The following POLR1A variants were observed in gnomAD, a reference collection of about 807,000 sequenced individuals.
POLR1A encodes DNA-directed RNA polymerase I subunit RPA1.
In POLR1A, 84 loss-of-function variants were observed where a neutral mutation model predicts 205.3. The ratio of observed to expected loss-of-function variants is 0.41; its 90% CI spans 0.34 to 0.49. The LOEUF (loss-of-function observed/expected upper bound fraction) is 0.49, where lower values mean the gene tolerates loss of function less well. POLR1A is among the 20% of genes least tolerant of loss of function. The pLI, the probability that POLR1A is intolerant of heterozygous loss-of-function variation, is 0.22. For missense variants in POLR1A, 1,645 were observed against 2,204.5 expected (o/e 0.75, Z 5.08); for synonymous variants, 799 against 863.7 (o/e 0.93, Z 1.31).
At chr2:86,053,354 A>G (rs1264284314) in intron 15 of POLR1A, among the ~76,000 whole-genome samples, 2 of 152,022 alleles carry the variant, frequency 1.3e-5, no homozygotes. Context: ...TATCCTTGAC[A>G]AAGACCTGTG....
chr2:86,105,782 A>G lies in POLR1A; in HGVS notation c.-6T>C, dbSNP rs748915549. 19 of 1,613,452 alleles carry G rather than the reference A, an allele frequency of 1.2e-5. No individual in the cohort carries two copies. The East Asian group carries it at 4.2e-4, about 36-fold the overall frequency. On this transcript the variant is annotated 5_prime_UTR_variant, in exon 1 of 34. Transcript: ENST00000263857. ...ATGTTCTTGGAGATCAACATCCTCCAGGTCCGTTTTGAATTCCGACACCCC... is the reference window on the plus strand; with the variant it reads ...ATGTTCTTGGAGATCAACATCCTCCGGGTCCGTTTTGAATTCCGACACCCC...
At chr2:86,073,758 T>G (rs927153069) in intron 12 of POLR1A, among the ~76,000 whole-genome samples, 2 of 152,218 alleles carry the variant, frequency 1.3e-5, no homozygotes, top group Non-Finnish European at 2.9e-5. Flanking sequence ...GACTGCAAAG[T>G]GCTAGCATGC....
chr2:86,042,115 G>A lies in POLR1A; in HGVS notation c.3358-12C>T, dbSNP rs774847601. The A allele has an allele frequency of 6.3e-7, 1 of 1,596,460 alleles. No individual in the cohort carries two copies. The highest frequency in any genetic ancestry group is 1.7e-5 in the Admixed American group (1 of 60,002). On this transcript the variant is annotated splice_polypyrimidine_tract_variant and intron_variant, in intron 23 of 33. Transcript: ENST00000263857. ...CACATCCTCAGCATCTGAACAGAAG[G>A]ATGGGTCTCAGCTATGTGGGAGGGA...
chr2:86,066,530 T>C lies in POLR1A; in HGVS notation c.1867-1065A>G, dbSNP rs144559509. Among the ~76,000 whole-genome samples the C allele has an allele frequency of 7.2e-3, 1,093 of 152,318 alleles. 15 individuals are homozygous for C. Among genetic ancestry groups the C allele is most frequent in the African/African-American group, 0.024 (1,011 of 41,560 alleles). Reference sequence around the variant, plus strand: ...CTTTAAGATGTAGATTTTGTAAACTTTTCAATGTTTATAGGAATTTGAGAA... The same window carrying C: ...CTTTAAGATGTAGATTTTGTAAACTCTTCAATGTTTATAGGAATTTGAGAA... On this transcript the variant is annotated intron_variant, in intron 13 of 33. Transcript: ENST00000263857.
chr2:86,079,854 GC>G (rs1573827430), intron 9 of POLR1A, among the ~76,000 whole-genome samples: 1 of 152,164 alleles, frequency 6.6e-6, no homozygotes, highest in East Asian at 1.9e-4. Context: ...GAGCTATCAT[GC>G]CTGGCCAGGC....
intron 3 of POLR1A, among the ~76,000 whole-genome samples, chr2:86,094,499 C>A (rs1043477667): frequency 1.3e-5 from 2 of 152,156 alleles, no homozygotes; most frequent in Non-Finnish European, 2.9e-5. Flanking sequence ...TCTGTCCCAG[C>A]TCTAGATCAG....
chr2:86,042,181 A>G (rs541466416), intron 23 of POLR1A, 78 bp from the exon 24 acceptor site: 2 of 1,017,664 alleles, frequency 2.0e-6, no homozygotes, highest in East Asian at 2.4e-5. Context: ...TTGGCTTCCA[A>G]TGAGAATAAA....
At chr2:86,076,248 G>T (rs915630575) in intron 11 of POLR1A, among the ~76,000 whole-genome samples, 12 of 152,198 alleles carry the variant, frequency 7.9e-5, no homozygotes, top group African/African-American at 2.9e-4. Context: ...AAAGGAACTT[G>T]TCTAGCTTTG....
Position 86,028,509 on chromosome 2 carries a change from G to T in POLR1A, c.4897+85C>A. 2.1e-6 allele frequency: 2 copies of T among 944,654 alleles called. No homozygotes were observed. The highest frequency in any genetic ancestry group is 3.5e-6 in the Non-Finnish European group (2 of 572,832). 58.5% of individuals were successfully genotyped at this position (944,654 alleles called of 1,614,324 possible). A position where few individuals can be genotyped will look rare whatever the true frequency, so the allele number is the denominator to read the frequency against. ...TGCTGGACTGACTCGGTGCTGGACC[G>T]ACACGGTCCTGACCCTCCTGCCGAG... On this transcript the variant is annotated intron_variant, in intron 32 of 33. Coordinates refer to ENST00000263857, the MANE Select transcript of POLR1A (RefSeq NM_015425.6). This position sits in a 1 kb window ranked among gnomAD's most constrained non-coding sequence, Gnocchi z 4.5.
chr2:86,076,409 C>T (rs1466750303), intron 11 of POLR1A, among the ~76,000 whole-genome samples: 1 of 152,252 alleles, frequency 6.6e-6, no homozygotes, highest in Non-Finnish European at 1.5e-5. Flanking sequence ...TATCTATTTA[C>T]TGTCTGTCTC....
chr2:86,097,743 A>G (rs1673732827), intron 3 of POLR1A, among the ~76,000 whole-genome samples: 1 of 152,180 alleles, frequency 6.6e-6, no homozygotes, highest in Non-Finnish European at 1.5e-5. Context: ...TGAGTAGGGT[A>G]GGGAAAGGAG....
At chr2:86,031,183 G>T in intron 30 of POLR1A, 147 bp downstream of exon 30, 1 of 1,210,536 alleles carries the variant, frequency 8.3e-7, no homozygotes. Context: ...CAAACAGGAG[G>T]CCTGGCTGTG....
At chr2:86,044,400 G>C in intron 21 of POLR1A, 96 bp from the exon 22 acceptor site, 1 of 1,350,320 alleles carries the variant, frequency 7.4e-7, no homozygotes, top group South Asian at 1.3e-5. Context: ...AGGGAAAGGG[G>C]GGCTCCTGTT....
rs2104442557 is a variant in POLR1A at position 86,105,792 on chromosome 2, T to G, written c.-16A>C. On this transcript the variant is annotated 5_prime_UTR_variant, in exon 1 of 34. Transcript: ENST00000263857. ...AGATCAACATCCTCCAGGTCCGTTT[T>G]GAATTCCGACACCCCAAGAGACGTT... is the stretch of plus-strand genomic sequence containing the variant. The G allele has an allele frequency of 6.2e-7, 1 of 1,609,904 alleles. No homozygotes were observed. Among genetic ancestry groups the G allele is most frequent in the Non-Finnish European group, 8.5e-7 (1 of 1,176,142 alleles).
At chr2:86,047,093 A>C in intron 19 of POLR1A, 72 bp downstream of exon 19, 3 of 1,017,008 alleles carry the variant, frequency 2.9e-6, no homozygotes, top group Non-Finnish European at 4.7e-6. Flanking sequence ...GAACAAACTG[A>C]AACCACCTCC....
chr2:86,039,640 ACTC>A (rs1245644888), intron 25 of POLR1A, among the ~76,000 whole-genome samples, 178 bp from the exon 26 acceptor site: 1 of 151,006 alleles, frequency 6.6e-6, no homozygotes, highest in Non-Finnish European at 1.5e-5. Context: ...ACAGTAAGGG[ACTC>A]CCCTGTCAGT....
At chr2:86,104,634 G>C (rs915932553) in intron 1 of POLR1A, among the ~76,000 whole-genome samples, 6 of 152,066 alleles carry the variant, frequency 3.9e-5, no homozygotes, top group African/African-American at 1.4e-4. Context: ...TTTTAGTAGA[G>C]ACGGGGTTTC....
Position 86,045,519 on chromosome 2 carries a change from C to T in POLR1A, c.2886+98G>A, listed in dbSNP as rs1672694308. 3 of 1,361,116 alleles carry T rather than the reference C, an allele frequency of 2.2e-6. No homozygotes were observed. The Admixed American group carries it at 5.3e-5, about 24-fold the overall frequency. 84.3% of individuals were successfully genotyped at this position (1,361,116 alleles called of 1,614,324 possible). On this transcript the variant is annotated intron_variant, in intron 20 of 33. Coordinates refer to ENST00000263857, the MANE Select transcript of POLR1A (RefSeq NM_015425.6). Reference sequence around the variant, plus strand: ...TGACCTCGACAGCTACAATAGCCCCCAGTGTCTTCTGCCCTACCCTGTAGG... The same window carrying T: ...TGACCTCGACAGCTACAATAGCCCCTAGTGTCTTCTGCCCTACCCTGTAGG...
At position 86,098,689 on chromosome 2, in the gene POLR1A, G is replaced by A. The variant is rs772833934; in HGVS notation, c.354C>T (p.His118=). Residue 118 remains histidine, a synonymous_variant, in exon 3 of 34, where the codon CAC becomes CAT. Coordinates refer to ENST00000263857, the MANE Select transcript of POLR1A (RefSeq NM_015425.6). Reference sequence around the variant, plus strand: ...GAACCCTCAGCTGGCAGAGTAAGAGGTGAATCACGGCCCGGGGACAAGTCA... The same window carrying A: ...GAACCCTCAGCTGGCAGAGTAAGAGATGAATCACGGCCCGGGGACAAGTCA... ...HMLTCPRAVI[H]LLLCQLRVLE... is the part of the protein sequence containing the mutation. 21 of 1,613,730 alleles carry A rather than the reference G, an allele frequency of 1.3e-5. No individual in the cohort carries two copies. Among genetic ancestry groups the A allele is most frequent in the Non-Finnish European group, 1.7e-5 (20 of 1,179,950 alleles).
Sources: gnomAD v4.1 joint callset for allele counts (sites outside exome capture counted in the v4.1 genomes callset) on GRCh38, gnomAD v4.1.1 for gene constraint, Gnocchi (gnomAD v3.1) non-coding constraint, MANE v1.5 for transcripts, NCBI Gene and HGNC (gene_info 2026-07-23, HGNC 2026-07-21) for gene names.